Variants in SPTBN5 observed in about 807,000 individuals in gnomAD.
SPTBN5 encodes the protein spectrin beta, non-erythrocytic 5, also known as spectrin beta chain, non-erythrocytic 5.
SPTBN5 carries 513 observed loss-of-function variants against 477.6 expected under a neutral mutation model. That is an observed-to-expected ratio of 1.07 (90% CI 1.00 to 1.16). SPTBN5 has a LOEUF of 1.16. Ranked by LOEUF, SPTBN5 falls within the 50% of genes most tolerant of loss-of-function variation. The pLI, the probability that SPTBN5 is intolerant of heterozygous loss-of-function variation, is 0.00. For missense variants in SPTBN5, 5,062 were observed against 4,731.8 expected, an observed-to-expected ratio of 1.07 and a Z score of -2.05; for synonymous variants, 2,169 against 2,011.7, an observed-to-expected ratio of 1.08 and a Z score of -2.09.
At chr15:41,869,176 A>AG (rs2066445056) in intron 32 of SPTBN5, among the ~76,000 whole-genome samples, 1 of 152,236 alleles carries the variant, frequency 6.6e-6, no homozygotes, top group Admixed American at 6.5e-5. Context: ...TGGCAGAAAG[A>AG]GTCTTGTAAA....
rs951787417 is a variant in SPTBN5, at chr15:41,855,664, G to A, written c.9103C>T (p.Gln3035Ter). The change falls in exon 54 of 68, where the codon CAG becomes TAG. Residue 3035 changes from glutamine (Q) to a stop codon, truncating the protein, a stop_gained. Coordinates refer to ENST00000320955, the MANE Select transcript of SPTBN5 (RefSeq NM_016642.4). LOFTEE classifies it high-confidence loss of function. ...EDMGHSAEAT[Q>*]ALLRRLEATK... Reference sequence around the variant, plus strand: ...GCCTCCAGCCGCCGCAGAAGGGCCTGTGTGGCTTCAGCACTGTGGCCCATG... The same window carrying A: ...GCCTCCAGCCGCCGCAGAAGGGCCTATGTGGCTTCAGCACTGTGGCCCATG... The A allele has an allele frequency of 3.1e-6, 5 of 1,606,846 alleles. No individual in the cohort carries two copies. The African/African-American group carries it at 4.0e-5, about 13-fold the overall frequency.
chr15:41,886,084 G>T lies in SPTBN5; in HGVS notation c.1171C>A (p.Leu391Met). Residue 391 changes from leucine (L) to methionine (M), a missense_variant, in exon 7 of 68, where the codon CTG (leucine) becomes ATG (methionine). Transcript: ENST00000320955. The part of the protein sequence containing the change: ...NRRPFLPHEG[L>M]GLAELSQCWA... The stretch of plus-strand genomic sequence containing the variant: ...CACTGGGACAGCTCTGCAAGGCCCA[G>T]GCCCTCATGAGGCAGGAAGGGCCTG... 5 of 1,605,330 alleles carry T rather than the reference G, an allele frequency of 3.1e-6. No homozygotes were observed. Among genetic ancestry groups the T allele is most frequent in the Non-Finnish European group, 4.3e-6 (5 of 1,175,610 alleles).
At chr15:41,893,571 T>A (rs940527955) in intron 1 of SPTBN5, 25 bp from the exon 2 acceptor site, 1 of 1,520,044 alleles carries the variant, frequency 6.6e-7, no homozygotes, top group Non-Finnish European at 8.8e-7. Context: ...GATTAGGGGA[T>A]GATGTGAATG....
intron 56 of SPTBN5, among the ~76,000 whole-genome samples, 165 bp downstream of exon 56, chr15:41,854,617 G>A (rs1216655036): frequency 1.3e-5 from 2 of 152,142 alleles, no homozygotes; most frequent in East Asian, 3.8e-4. Flanking sequence ...CTGGGCTGCA[G>A]CCAATTCCTG....
chr15:41,859,014 A>G, intron 47 of SPTBN5, 34 bp from the exon 48 acceptor site: 1 of 1,465,272 alleles, frequency 6.8e-7, no homozygotes, highest in East Asian at 2.5e-5. Context: ...GCCTGGAGCC[A>G]CCCCCGGGGC....
chr15:41,855,811 C>T (rs778822023), intron 53 of SPTBN5, 66 bp from the exon 54 acceptor site: 220 of 1,435,944 alleles, frequency 1.5e-4, no homozygotes, highest in Middle Eastern at 2.1e-4. Flanking sequence ...TTTACAGCCA[C>T]GATTCTCAGC....
rs768392945 is a variant in SPTBN5, at chr15:41,870,024, C to T, written c.5674-4G>A. On this transcript the variant is annotated splice_region_variant and splice_polypyrimidine_tract_variant and intron_variant, in intron 31 of 67. Transcript: ENST00000320955. Reference sequence around the variant, plus strand: ...CAGTCTCCAGCAGTTCCTGCAGCTGCGGGAGGGGCAGGGAATAGGGAGGCA... The same window carrying T: ...CAGTCTCCAGCAGTTCCTGCAGCTGTGGGAGGGGCAGGGAATAGGGAGGCA... The T allele has an allele frequency of 4.7e-5, 69 of 1,481,252 alleles. No individual in the cohort carries two copies. The East Asian group carries it at 6.8e-4, about 15-fold the overall frequency. 91.8% of individuals were successfully genotyped at this position (1,481,252 alleles called of 1,614,324 possible).
In SPTBN5 at chr15:41,886,133, C is replaced by G. The variant is rs762367308; in HGVS notation, c.1122G>C (p.Gln374His). Residue 374 changes from glutamine to histidine, a missense_variant, in exon 7 of 68, where the codon CAG (glutamine) becomes CAC (histidine). Physicochemically the swap from Gln to His is conservative, Grantham distance 24 (BLOSUM62 0). Coordinates refer to ENST00000320955, the MANE Select transcript of SPTBN5 (RefSeq NM_016642.4). Reference protein sequence around the residue: ...GAAEALLFRLQTALQAQNRRP... With the variant: ...GAAEALLFRLHTALQAQNRRP... The stretch of plus-strand genomic sequence containing the variant: ...TGCGGTTCTGGGCTTGGAGTGCTGT[C>G]TGTAGCCGGAAGAGCAGGGCCTCTG... The G allele has an allele frequency of 1.4e-5, 23 of 1,611,416 alleles. No individual in the cohort carries two copies. The highest frequency in any genetic ancestry group is 1.7e-5 in the Non-Finnish European group (20 of 1,178,978).
intron 29 of SPTBN5, 36 bp downstream of exon 29, chr15:41,871,339 C>A (rs1411662084): frequency 2.2e-6 from 3 of 1,385,304 alleles, no homozygotes; most frequent in Admixed American, 3.3e-5. Flanking sequence ...CTCCTTCCCC[C>A]AAACCCCATG....
In SPTBN5 at chr15:41,878,640, G is replaced by A. The variant is rs1411433733; in HGVS notation, c.3183-11C>T. On this transcript the variant is annotated splice_polypyrimidine_tract_variant and intron_variant, in intron 16 of 67. Coordinates refer to ENST00000320955, the MANE Select transcript of SPTBN5 (RefSeq NM_016642.4). Reference sequence around the variant, plus strand: ...CCTGGCTCCTCGACCCTGGGAGACAGGGTGCGCTGCACAGTCAGTGCCCTG... The same window carrying A: ...CCTGGCTCCTCGACCCTGGGAGACAAGGTGCGCTGCACAGTCAGTGCCCTG... 1.2e-6 allele frequency: 2 copies of A among 1,606,520 alleles called. No individual in the cohort carries two copies. The highest frequency in any genetic ancestry group is 1.7e-6 in the Non-Finnish European group (2 of 1,176,874).
chr15:41,880,356 C>T (rs771109593), intron 13 of SPTBN5, 44 bp from the exon 14 acceptor site: 33 of 1,544,254 alleles, frequency 2.1e-5, no homozygotes, highest in African/African-American at 1.8e-4. Flanking sequence ...TCAGGGCCCC[C>T]GACAGGGCTC....
rs371785623 is a variant in SPTBN5 at position 41,858,684 on chromosome 15, A to G, written c.8144T>C (p.Met2715Thr). ...ALEEGLLDTA[M>T]LPAQLQKQQN... ...CTGCTTCTGTAACTGTGCTGGCAGC[A>G]TGGCTGTGTCCAGCAAACCCTCCTC... The change falls in exon 49 of 68, where the codon ATG becomes ACG. Residue 2715 changes from methionine to threonine, a missense_variant. Coordinates refer to ENST00000320955, the MANE Select transcript of SPTBN5 (RefSeq NM_016642.4). The G allele has an allele frequency of 6.0e-5, 97 of 1,610,734 alleles. No homozygotes were observed. The African/African-American group carries it at 1.2e-3, about 21-fold the overall frequency.
At chr15:41,860,781 T>C (rs1567192776) in intron 46 of SPTBN5, 23 bp from the exon 47 acceptor site, 2 of 1,528,236 alleles carry the variant, frequency 1.3e-6, no homozygotes, top group Non-Finnish European at 1.8e-6. Context: ...GGGAACCCAA[T>C]ACTGTCCATG....
intron 47 of SPTBN5, among the ~76,000 whole-genome samples, chr15:41,859,438 C>T (rs528519681): frequency 5.9e-5 from 9 of 152,302 alleles, no homozygotes; most frequent in South Asian, 2.1e-4. Flanking sequence ...GGTTTACAGG[C>T]GTGAACTACT....
chr15:41,872,764 G>T (rs1000192193), intron 26 of SPTBN5, among the ~76,000 whole-genome samples: 1 of 152,236 alleles, frequency 6.6e-6, no homozygotes, highest in Non-Finnish European at 1.5e-5. Context: ...GCATTAGACT[G>T]GACCCCAACA....
rs1383052124 is a variant in SPTBN5 at position 41,879,498 on chromosome 15, A to C, written c.2944T>G (p.Trp982Gly). Residue 982 changes from tryptophan (W) to glycine (G), a missense_variant and splice_region_variant, in exon 16 of 68, where the codon TGG becomes GGG. Physicochemically the swap from Trp to Gly is radical, Grantham distance 184. Transcript: ENST00000320955. ...QRQQEELSQRWGQLEALKREK... is the reference protein window; with the variant it reads ...QRQQEELSQRGGQLEALKREK... The stretch of plus-strand genomic sequence containing the variant: ...CTCTTCAGGGCCTCCAGCTGCCCCC[A>C]CCTGGGCAGAGGGTACAAGGTTGTC... 3 of 1,558,470 alleles carry C rather than the reference A, an allele frequency of 1.9e-6. No homozygotes were observed. The highest frequency in any genetic ancestry group is 1.7e-6 in the Non-Finnish European group (2 of 1,155,000).
chr15:41,848,188 T>TGTCA lies in SPTBN5; in HGVS notation c.*424_*427dup. On this transcript the variant is annotated 3_prime_UTR_variant, in exon 68 of 68. Coordinates refer to ENST00000320955, the MANE Select transcript of SPTBN5 (RefSeq NM_016642.4). ...CTGTTATTACTGCTGAGAAGGGCCA[T>TGTCA]GTCATTCTAGGCTCTTGGCTGTACA... 1 of 513,832 alleles carries TGTCA rather than the reference T, an allele frequency of 1.9e-6. No individual in the cohort carries two copies. Among genetic ancestry groups the TGTCA allele is most frequent in the Non-Finnish European group, 3.5e-6 (1 of 284,672 alleles). 31.8% of individuals were successfully genotyped at this position (513,832 alleles called of 1,614,324 possible).
Position 41,853,770 on chromosome 15 carries a change from C to T in SPTBN5, c.9792G>A (p.Met3264Ile), listed in dbSNP as rs1326030808. Reference protein sequence around the residue: ...HRRLERELEAMEKEVARLQTE... With the variant: ...HRRLERELEAIEKEVARLQTE... ...TCTGTAGCCGTGCCACCTCCTTCTC[C>T]ATAGCTTCCAGCTCTCTCTGCAACC... The change falls in exon 58 of 68, where the codon ATG (methionine) becomes ATA (isoleucine). Residue 3264 changes from methionine to isoleucine, a missense_variant. Coordinates refer to ENST00000320955, the MANE Select transcript of SPTBN5 (RefSeq NM_016642.4). 6 of 1,569,694 alleles carry T rather than the reference C, an allele frequency of 3.8e-6. No individual in the cohort carries two copies. In the African/African-American group the frequency reaches 6.8e-5, roughly 18 times the overall value.
chr15:41,862,052 G>C (rs1386718451), intron 44 of SPTBN5, 78 bp downstream of exon 44: 1 of 1,507,424 alleles, frequency 6.6e-7, no homozygotes, highest in East Asian at 2.5e-5. Context: ...GGAGGCCCAA[G>C]AGCAAGGAGA....
Sources: gnomAD v4.1 joint callset for allele counts (sites outside exome capture counted in the v4.1 genomes callset) on GRCh38, gnomAD v4.1.1 for gene constraint, MANE v1.5 for transcripts, NCBI Gene and HGNC (gene_info 2026-07-23, HGNC 2026-07-21) for gene names.